Variants in MTOR observed in about 807,000 individuals in gnomAD.
MTOR encodes serine/threonine-protein kinase mTOR.
In MTOR, 70 loss-of-function variants were observed where a neutral mutation model predicts 319.8. The observed-to-expected ratio is 0.22, with a 90% confidence interval of 0.18 to 0.27. MTOR has a LOEUF of 0.27. Ranked by LOEUF, MTOR falls within the 10% of genes least tolerant of loss-of-function variation. The pLI is 1.00. For missense variants in MTOR, 1,890 were observed against 3,274.4 expected (o/e 0.58, Z 10.32); for synonymous variants, 1,183 against 1,211.4 (o/e 0.98, Z 0.49).
chr1:11,127,100 C>T lies in MTOR; in HGVS notation c.6261G>A (p.Lys2087=), dbSNP rs2100402157. 6.2e-7 allele frequency: 1 copy of T among 1,614,216 alleles called. No homozygotes were observed. Among genetic ancestry groups the T allele is most frequent in the Non-Finnish European group, 8.5e-7 (1 of 1,180,046 alleles). The part of the protein sequence containing the change: ...DLMEAQEWCR[K]YMKSGNVKDL... ...CCTTGACATTCCCTGATTTCATGTA[C>T]TTCCTGCACCACTCTTGGGCCTCCA... The change falls in exon 45 of 58, where the codon AAG becomes AAA. Residue 2087 remains lysine (K), a synonymous_variant. Transcript: ENST00000361445. This position sits in a 1 kb window ranked among gnomAD's most constrained non-coding sequence, Gnocchi z 5.5.
At chr1:11,244,691 G>A (rs1265215715) in intron 8 of MTOR, among the ~76,000 whole-genome samples, 2 of 152,180 alleles carry the variant, frequency 1.3e-5, no homozygotes, top group East Asian at 3.8e-4. Flanking sequence ...CAACGTTTGG[G>A]TTAACAATGG....
rs752749972 is a variant in MTOR, at chr1:11,114,864, A to G, written c.7113T>C (p.Phe2371=). The change falls in exon 52 of 58, where the codon TTT becomes TTC. Residue 2371 remains phenylalanine, a synonymous_variant. Transcript: ENST00000361445. ...CFEVAMTREK[F]PEKIPFRLTR... ...TTAGTCTAAATGGAATCTTCTCTGGAAACTTCTCTCGGGTCATAGCAACCT... is the reference window on the plus strand; with the variant it reads ...TTAGTCTAAATGGAATCTTCTCTGGGAACTTCTCTCGGGTCATAGCAACCT... 6.2e-7 allele frequency: 1 copy of G among 1,614,142 alleles called. No individual in the cohort carries two copies. The highest frequency in any genetic ancestry group is 1.3e-5 in the African/African-American group (1 of 75,052).
At chr1:11,184,433 G>A (rs972639717) in intron 28 of MTOR, among the ~76,000 whole-genome samples, 3 of 152,110 alleles carry the variant, frequency 2.0e-5, no homozygotes, top group Non-Finnish European at 2.9e-5. Context: ...ATTCATTTGC[G>A]GTGAAAAAAT....
intron 36 of MTOR, among the ~76,000 whole-genome samples, chr1:11,138,101 A>G (rs1643515182): frequency 6.6e-6 from 1 of 152,342 alleles, no homozygotes; most frequent in Admixed American, 6.5e-5. Context: ...TGTTGAAAGA[A>G]GCCACTCCTT....
intron 6 of MTOR, among the ~76,000 whole-genome samples, chr1:11,248,567 T>G (rs932716880): frequency 6.6e-6 from 1 of 152,182 alleles, no homozygotes; most frequent in Non-Finnish European, 1.5e-5. Context: ...ATTCCGGTAC[T>G]TTGGGAGGCC....
At chr1:11,262,216 A>T (rs1308072268) in intron 1 of MTOR, among the ~76,000 whole-genome samples, 2 of 152,112 alleles carry the variant, frequency 1.3e-5, no homozygotes, top group Non-Finnish European at 2.9e-5. Flanking sequence ...CTTCGGGCGG[A>T]CGTACCGCGG....
In MTOR at chr1:11,115,744, C is replaced by T; in HGVS notation, c.7017-276G>A. 5.1e-6 allele frequency: 2 copies of T among 390,464 alleles called. No homozygotes were observed. Among genetic ancestry groups the T allele is most frequent in the South Asian group, 7.4e-5 (2 of 26,878 alleles). 24.2% of individuals were successfully genotyped at this position (390,464 alleles called of 1,614,324 possible). The stretch of plus-strand genomic sequence containing the variant: ...CACAAAGCCTAAAACGACCTATTAA[C>T]TGGTCCTTTACAGAAACAGTTTGCC... On this transcript the variant is annotated intron_variant, in intron 50 of 57. Transcript: ENST00000361445. This position sits in a 1 kb window ranked among gnomAD's most constrained non-coding sequence, Gnocchi z 4.5.
Position 11,126,992 on chromosome 1 carries a change from G to A in MTOR, c.6351+18C>T. ...ACTATAATGACAGTTAACCCTGCCA[G>A]GAGCCTGAAGATCCTACCTGAGGCA... is the stretch of plus-strand genomic sequence containing the variant. On this transcript the variant is annotated intron_variant, in intron 45 of 57. Transcript: ENST00000361445. 1 of 1,613,930 alleles carries A rather than the reference G, an allele frequency of 6.2e-7. No individual in the cohort carries two copies. Among genetic ancestry groups the A allele is most frequent in the Non-Finnish European group, 8.5e-7 (1 of 1,179,906 alleles).
At chr1:11,193,325 T>C (rs28991006) in intron 28 of MTOR, among the ~76,000 whole-genome samples, 3 of 150,042 alleles carry the variant, frequency 2.0e-5, no homozygotes, top group Admixed American at 1.3e-4. Flanking sequence ...AAAAAAAAAG[T>C]ATCTGGATTT....
chr1:11,154,102 A>AAAAAAC (rs1644242159), intron 30 of MTOR, among the ~76,000 whole-genome samples: 1 of 135,884 alleles, frequency 7.4e-6, no homozygotes, highest in Non-Finnish European at 1.6e-5. Context: ...AAAAAAAAAA[A>AAAAAAC]AGCCACATGT....
Position 11,109,452 on chromosome 1 carries a change from T to A in MTOR, c.7448-82A>T. On this transcript the variant is annotated intron_variant, in intron 55 of 57. Transcript: ENST00000361445. This position sits in a 1 kb window ranked among gnomAD's most constrained non-coding sequence, Gnocchi z 4.0. Reference sequence around the variant, plus strand: ...ATGGGTGCCCTGTTTTTCTCAAATATTCACTTTTGTAAGTGTTAAGCAATC... The same window carrying A: ...ATGGGTGCCCTGTTTTTCTCAAATAATCACTTTTGTAAGTGTTAAGCAATC... The A allele has an allele frequency of 7.3e-7, 1 of 1,364,678 alleles. No individual in the cohort carries two copies. The highest frequency in any genetic ancestry group is 1.2e-5 in the South Asian group (1 of 82,000). The allele number at this position is 1,364,678 out of a possible 1,614,324, so 84.5% of individuals were successfully genotyped here. A position where few individuals can be genotyped will look rare whatever the true frequency, so the allele number is the denominator to read the frequency against.
intron 39 of MTOR, among the ~76,000 whole-genome samples, 179 bp from the exon 40 acceptor site, chr1:11,130,017 C>A (rs1038186347): frequency 2.0e-5 from 3 of 152,218 alleles, no homozygotes; most frequent in African/African-American, 7.2e-5. Flanking sequence ...TAAATGGCAA[C>A]TGTATCATAA....
chr1:11,131,696 A>T (rs1402066085), intron 38 of MTOR: 1 of 152,076 alleles, frequency 6.6e-6, no homozygotes, highest in Non-Finnish European at 1.5e-5. Flanking sequence ...AGCGGCAATG[A>T]CTCTACAGCG....
At position 11,228,652 on chromosome 1, in the gene MTOR, G is replaced by C. The variant is rs1278798630; in HGVS notation, c.3030+16C>G. 6.2e-7 allele frequency: 1 copy of C among 1,612,218 alleles called. No individual in the cohort carries two copies. The highest frequency in any genetic ancestry group is 2.2e-5 in the East Asian group (1 of 44,864). Reference sequence around the variant, plus strand: ...TGCAGAGGAGAAAGAGAAGGATTGGGGTTTGAGGTACTTACTTCCCGGATG... The same window carrying C: ...TGCAGAGGAGAAAGAGAAGGATTGGCGTTTGAGGTACTTACTTCCCGGATG... On this transcript the variant is annotated intron_variant, in intron 19 of 57. Transcript: ENST00000361445.
chr1:11,119,056 T>TA (rs1029794506), intron 49 of MTOR, among the ~76,000 whole-genome samples: 51 of 151,856 alleles, frequency 3.4e-4, no homozygotes, highest in African/African-American at 1.2e-3. Flanking sequence ...GACTTAAATG[T>TA]AAAAAAAACC....
intron 15 of MTOR, chr1:11,233,187 T>C: frequency 1.2e-6 from 1 of 853,578 alleles, no homozygotes; most frequent in Non-Finnish European, 1.9e-6. Flanking sequence ...CATATCAAGC[T>C]GAAAATGTCA....
Position 11,109,597 on chromosome 1 carries a change from T to C in MTOR, c.7447+52A>G. On this transcript the variant is annotated intron_variant, in intron 55 of 57. Coordinates refer to ENST00000361445, the MANE Select transcript of MTOR (RefSeq NM_004958.4). This position sits in a 1 kb window ranked among gnomAD's most constrained non-coding sequence, Gnocchi z 4.0. ...CCCTCTCAGGGTATAACACAGCTGCTATTTTCTTAATGAGCTAGTCACTGG... is the reference window on the plus strand; with the variant it reads ...CCCTCTCAGGGTATAACACAGCTGCCATTTTCTTAATGAGCTAGTCACTGG... 6.4e-7 allele frequency: 1 copy of C among 1,553,602 alleles called. No homozygotes were observed. The highest frequency in any genetic ancestry group is 8.9e-7 in the Non-Finnish European group (1 of 1,124,962).
intron 54 of MTOR, 135 bp downstream of exon 54, chr1:11,112,717 C>G (rs1300962283): frequency 2.2e-6 from 2 of 914,438 alleles, no homozygotes; most frequent in Admixed American, 4.7e-5. Context: ...CCACCCCACT[C>G]TAGAAACACT....
intron 28 of MTOR, among the ~76,000 whole-genome samples, chr1:11,174,654 G>T (rs1204769127): frequency 6.6e-6 from 1 of 152,168 alleles, no homozygotes; most frequent in Non-Finnish European, 1.5e-5. Flanking sequence ...ATGAGATGTG[G>T]TTTTTATGAG....
Sources: gnomAD v4.1 joint callset for allele counts (sites outside exome capture counted in the v4.1 genomes callset) on GRCh38, gnomAD v4.1.1 for gene constraint, Gnocchi (gnomAD v3.1) non-coding constraint, MANE v1.5 for transcripts, NCBI Gene and HGNC (gene_info 2026-07-23, HGNC 2026-07-21) for gene names.